The following WDR73 variants were observed in gnomAD, a reference collection of about 807,000 sequenced individuals.
WDR73 encodes WD repeat domain 73.
Under a neutral mutation model 38.2 loss-of-function variants are expected in WDR73, and 30 were observed. The ratio of observed to expected loss-of-function variants is 0.79; its 90% CI spans 0.59 to 1.06. The LOEUF (loss-of-function observed/expected upper bound fraction) is 1.06. WDR73 is among the 50% of genes least tolerant of loss of function. The pLI is 0.00. For missense variants in WDR73, 487 were observed against 467.0 expected (o/e 1.04, Z -0.40); for synonymous variants, 197 against 176.0 (o/e 1.12, Z -0.94).
At chr15:84,649,875 C>T (rs922335474) in intron 3 of WDR73, among the ~76,000 whole-genome samples, 8 of 152,138 alleles carry the variant, frequency 5.3e-5, no homozygotes, top group Non-Finnish European at 7.4e-5. Flanking sequence ...TCAAAAAGTG[C>T]TGGGATTACA....
At chr15:84,644,328 A>C in intron 7 of WDR73, 1 of 152,434 alleles carries the variant, frequency 6.6e-6, no homozygotes, top group Non-Finnish European at 1.5e-5. Context: ...CTGCACACAC[A>C]CTCATTCCAT....
chr15:84,643,474 C>CG lies in WDR73; in HGVS notation c.1132dup (p.Arg378ProfsTer12), dbSNP rs747109506. 1.5e-4 allele frequency: 240 copies of CG among 1,553,856 alleles called. 1 individual carries two copies. The African/African-American group carries it at 2.5e-3, about 16-fold the overall frequency. ...CTAGATGGAAAGATGCTGGTGTCAG[C>CG]GGGGGGCACAAAGGTCCACCCAGTC... On this transcript the variant is annotated frameshift_variant, in exon 8 of 8. Transcript: ENST00000434634. LOFTEE classifies it high-confidence loss of function.
Position 84,643,587 on chromosome 15 carries a change from A to T in WDR73, c.1020T>A (p.Pro340=). The T allele has an allele frequency of 6.2e-7, 1 of 1,612,660 alleles. No homozygotes were observed. The highest frequency in any genetic ancestry group is 8.5e-7 in the Non-Finnish European group (1 of 1,179,360). ...HIFLDGNGMD[P]APLVTTHTWH... is the part of the protein sequence containing the mutation. ...AGGTGTGGGTGGTGACCAAAGGAGCAGGGTCCATCCCATTTCCATCTAGGA... is the reference window on the plus strand; with the variant it reads ...AGGTGTGGGTGGTGACCAAAGGAGCTGGGTCCATCCCATTTCCATCTAGGA... The change falls in exon 8 of 8, where the codon CCT becomes CCA. Residue 340 remains proline, a synonymous_variant. Coordinates refer to ENST00000434634, the MANE Select transcript of WDR73 (RefSeq NM_032856.5).
At chr15:84,652,611 T>C in intron 3 of WDR73, 103 bp downstream of exon 3, 1 of 651,380 alleles carries the variant, frequency 1.5e-6, no homozygotes, top group South Asian at 2.5e-5. Context: ...GCGCTTTCTC[T>C]CTTTCTAGTA....
At chr15:84,652,246 G>C (rs557530387) in intron 3 of WDR73, among the ~76,000 whole-genome samples, 29 of 152,072 alleles carry the variant, frequency 1.9e-4, no homozygotes, top group Non-Finnish European at 2.9e-4. Context: ...TCTTCTCTTG[G>C]CTTCAGAAAC....
chr15:84,652,501 AC>A (rs1268967289), intron 3 of WDR73, among the ~76,000 whole-genome samples: 1 of 151,936 alleles, frequency 6.6e-6, no homozygotes, highest in African/African-American at 2.4e-5. Flanking sequence ...AGTATAACTG[AC>A]CTCCTCCTCT....
intron 4 of WDR73, 98 bp from the exon 5 acceptor site, chr15:84,648,052 A>C: frequency 2.0e-6 from 2 of 1,006,828 alleles, no homozygotes; most frequent in Non-Finnish European, 3.2e-6. Flanking sequence ...TCCACTTCCC[A>C]TATCAGGACA....
chr15:84,644,601 A>G (rs1896383338), intron 7 of WDR73: 1 of 119,098 alleles, frequency 8.4e-6, no homozygotes, highest in East Asian at 2.6e-4. Flanking sequence ...TTTTTTTGAG[A>G]CAGAGTCTTG....
At chr15:84,643,985 C>T in intron 7 of WDR73, 1 of 361,616 alleles carries the variant, frequency 2.8e-6, no homozygotes, top group Admixed American at 4.5e-5. Flanking sequence ...AAAGGCTAAC[C>T]ACGGGCAAGT....
chr15:84,648,776 G>A (rs2141841308), intron 3 of WDR73, among the ~76,000 whole-genome samples, 151 bp from the exon 4 acceptor site: 1 of 152,344 alleles, frequency 6.6e-6, no homozygotes, highest in Non-Finnish European at 1.5e-5. Context: ...ATTTGGCAAT[G>A]TTGGTCTCAG....
chr15:84,643,242 A>G lies in WDR73; in HGVS notation c.*228T>C. On this transcript the variant is annotated 3_prime_UTR_variant, in exon 8 of 8. Transcript: ENST00000434634. ...CTCCCAGATCTAACAATAGCTACCA[A>G]GTAATTATGCCATGCGTTTCTTCTA... The G allele has an allele frequency of 3.5e-6, 2 of 566,280 alleles. No homozygotes were observed. The highest frequency in any genetic ancestry group is 3.1e-6 in the Non-Finnish European group (1 of 320,986). 35.1% of individuals were successfully genotyped at this position (566,280 alleles called of 1,614,324 possible).
intron 3 of WDR73, among the ~76,000 whole-genome samples, chr15:84,649,375 G>A (rs977449795): frequency 6.6e-6 from 1 of 152,130 alleles, no homozygotes; most frequent in East Asian, 1.9e-4. Context: ...CCTGACTCAA[G>A]CCTGACTGGA....
chr15:84,644,932 CCTG>C lies in WDR73; in HGVS notation c.883+536_883+538del, dbSNP rs562848115. ...TGAGAAGTACCCTTGAGGTGCTGTC[CCTG>C]CTGCTTTTTTTTTTTTTTTCTTTTT... On this transcript the variant is annotated intron_variant, in intron 7 of 7. Transcript: ENST00000434634. The C allele has an allele frequency of 5.3e-4, 81 of 153,588 alleles. No homozygotes were observed. The South Asian group carries it at 0.013, about 25-fold the overall frequency. The allele number at this position is 153,588 out of a possible 1,614,324, so 9.5% of individuals were successfully genotyped here.
At chr15:84,651,298 T>C (rs1030795611) in intron 3 of WDR73, among the ~76,000 whole-genome samples, 2 of 149,856 alleles carry the variant, frequency 1.3e-5, no homozygotes, top group Middle Eastern at 3.5e-3. Flanking sequence ...TGGTGGCACA[T>C]GCCTGTAGTC....
In WDR73 at chr15:84,646,235, G is replaced by C; in HGVS notation, c.466C>G (p.Arg156Gly). Residue 156 changes from arginine to glycine, a missense_variant, in exon 6 of 8, where the codon CGA becomes GGA. By Grantham distance (125) the Arg-to-Gly change is moderately radical (BLOSUM62 -2). Coordinates refer to ENST00000434634, the MANE Select transcript of WDR73 (RefSeq NM_032856.5). ...APGVLHGARLRSLQVVDLESR... is the reference protein window; with the variant it reads ...APGVLHGARLGSLQVVDLESR... ...TCCAGATCAACGACCTGCAGACTTC[G>C]GAGCCTCGCCCCATGGAGGACTCCG... 6.2e-7 allele frequency: 1 copy of C among 1,613,880 alleles called. No homozygotes were observed.
intron 5 of WDR73, 124 bp downstream of exon 5, chr15:84,647,766 C>T: frequency 2.1e-6 from 2 of 939,570 alleles, no homozygotes; most frequent in Middle Eastern, 2.4e-4. Context: ...CAAAGTGCTA[C>T]AATTACAGGC....
chr15:84,648,260 T>C (rs932191418), intron 4 of WDR73: 3 of 583,776 alleles, frequency 5.1e-6, no homozygotes, highest in East Asian at 5.6e-5. Flanking sequence ...CCAAGAGCAA[T>C]AGAAGAGCAT....
At chr15:84,648,206 C>T (rs1388723699) in intron 4 of WDR73, 2 of 593,418 alleles carry the variant, frequency 3.4e-6, no homozygotes, top group Non-Finnish European at 3.0e-6. Flanking sequence ...CAAACACAAC[C>T]TGACCCAGAG....
intron 1 of WDR73, 67 bp downstream of exon 1, chr15:84,654,167 C>T: frequency 6.2e-7 from 1 of 1,608,476 alleles, no homozygotes; most frequent in Non-Finnish European, 8.5e-7. Flanking sequence ...GTGCCTCCAC[C>T]CACACCCATC....
Sources: gnomAD v4.1 joint callset for allele counts (sites outside exome capture counted in the v4.1 genomes callset) on GRCh38, gnomAD v4.1.1 for gene constraint, MANE v1.5 for transcripts, NCBI Gene and HGNC (gene_info 2026-07-23, HGNC 2026-07-21) for gene names.